The following CD38 variants were observed in gnomAD, a reference collection of about 807,000 sequenced individuals.
The protein encoded by CD38 is ADP-ribosyl cyclase/cyclic ADP-ribose hydrolase 1.
A neutral mutation model predicts 36.3 loss-of-function variants in CD38; 31 were observed. The ratio of observed to expected loss-of-function variants is 0.85; its 90% confidence interval spans 0.64 to 1.15. The LOEUF (loss-of-function observed/expected upper bound fraction) is 1.15, where lower values mean the gene tolerates loss of function less well. Ranked by LOEUF, CD38 falls within the 50% of genes most tolerant of loss-of-function variation. The probability of loss-of-function intolerance (pLI) is 0.00; values close to 1 mark genes in which losing one functional copy is unlikely to be tolerated. For missense variants in CD38, 380 were observed against 371.9 expected (o/e 1.02, Z -0.18); for synonymous variants, 131 against 135.2 (o/e 0.97, Z 0.22).
At chr4:15,785,024 C>T (rs1197867055) in intron 1 of CD38, among the ~76,000 whole-genome samples, 3 of 151,108 alleles carry the variant, frequency 2.0e-5, no homozygotes, top group African/African-American at 7.3e-5. Flanking sequence ...CCACTACACT[C>T]CAGCCTGGGT....
chr4:15,819,247 G>A (rs1723680977), intron 2 of CD38, among the ~76,000 whole-genome samples: 1 of 152,080 alleles, frequency 6.6e-6, no homozygotes, highest in Non-Finnish European at 1.5e-5. Flanking sequence ...ACGGGTTGAT[G>A]GGTGCAGCAA....
At position 15,851,518 on chromosome 4, in the gene CD38, A is replaced by G. The variant is rs1387505489; in HGVS notation, c.*2916A>G. On this transcript the variant is annotated 3_prime_UTR_variant, in exon 8 of 8. Transcript: ENST00000226279. ...CTAATGCCCCTTTTCTAAATTCCTA[A>G]GGCTCACCATTTTCCTATTGTAATG... is the stretch of plus-strand genomic sequence containing the variant. The G allele has an allele frequency of 6.6e-6, 1 of 152,170 alleles. No individual in the cohort carries two copies. Among genetic ancestry groups the G allele is most frequent in the Non-Finnish European group, 1.5e-5 (1 of 68,048 alleles). 9.4% of individuals were successfully genotyped at this position (152,170 alleles called of 1,614,324 possible).
intron 1 of CD38, among the ~76,000 whole-genome samples, chr4:15,780,563 C>CACAT (rs1722675907): frequency 6.7e-6 from 1 of 149,548 alleles, no homozygotes; most frequent in African/African-American, 2.5e-5. Context: ...CACACACACA[C>CACAT]ACACATACAG....
intron 1 of CD38, among the ~76,000 whole-genome samples, chr4:15,810,833 T>C (rs947365890): frequency 9.2e-5 from 14 of 152,330 alleles, no homozygotes; most frequent in Admixed American, 7.8e-4. Flanking sequence ...AAAACATGAT[T>C]GTTGGATGCC....
rs757866212 is a variant in CD38, at chr4:15,824,961, G to A, written c.444G>A (p.Thr148=). ...GGGACATGTTCACCCTGGAGGACAC[G>A]CTGCTAGGCTACCTTGCTGATGACC... ...VQRDMFTLED[T]LLGYLADDLT... The change falls in exon 3 of 8, where the codon ACG becomes ACA. Residue 148 remains threonine, a synonymous_variant. Transcript: ENST00000226279. 9 of 1,613,892 alleles carry A rather than the reference G, an allele frequency of 5.6e-6. No homozygotes were observed. Among genetic ancestry groups the A allele is most frequent in the Middle Eastern group, 1.7e-4 (1 of 6,056 alleles).
At chr4:15,816,063 T>G (rs1370611681) in intron 1 of CD38, among the ~76,000 whole-genome samples, 1 of 152,156 alleles carries the variant, frequency 6.6e-6, no homozygotes, top group Non-Finnish European at 1.5e-5. Context: ...TGATGGATTA[T>G]GTTTATTGAT....
At chr4:15,805,077 G>A (rs1046892313) in intron 1 of CD38, among the ~76,000 whole-genome samples, 2 of 151,928 alleles carry the variant, frequency 1.3e-5, no homozygotes, top group African/African-American at 2.4e-5. Context: ...AGAAAAATTA[G>A]TTTTTTTGAT....
At chr4:15,824,379 A>T (rs1723801637) in intron 2 of CD38, among the ~76,000 whole-genome samples, 1 of 151,860 alleles carries the variant, frequency 6.6e-6, no homozygotes, top group Admixed American at 6.6e-5. Flanking sequence ...CTGAACTTTG[A>T]CTCCCTGTAC....
chr4:15,816,225 C>A (rs1723591014), intron 1 of CD38, among the ~76,000 whole-genome samples: 1 of 151,990 alleles, frequency 6.6e-6, no homozygotes, highest in African/African-American at 2.4e-5. Flanking sequence ...CTGAAATTTT[C>A]TTTTTTTATT....
chr4:15,790,919 G>T (rs1380800168), intron 1 of CD38, among the ~76,000 whole-genome samples: 3 of 150,660 alleles, frequency 2.0e-5, no homozygotes, highest in Non-Finnish European at 4.4e-5. Context: ...CGTCTGAGAG[G>T]TGAGGAGACC....
At chr4:15,780,526 A>ACACG (rs201964723) in intron 1 of CD38, among the ~76,000 whole-genome samples, 5,201 of 139,324 alleles carry the variant, frequency 0.037, 207 homozygotes, top group East Asian at 0.15. Flanking sequence ...TCTCACACAC[A>ACACG]CACACACACA....
intron 3 of CD38, among the ~76,000 whole-genome samples, chr4:15,830,396 A>G (rs1723935616): frequency 6.6e-6 from 1 of 152,220 alleles, no homozygotes; most frequent in Non-Finnish European, 1.5e-5. Context: ...TCTTCTTTTG[A>G]GAAATATGTA....
At chr4:15,847,649 C>G (rs998702317) in intron 7 of CD38, among the ~76,000 whole-genome samples, 4 of 118,628 alleles carry the variant, frequency 3.4e-5, no homozygotes, top group African/African-American at 1.3e-4. Context: ...TCTGACGAGT[C>G]TAAGCTGTTC....
At chr4:15,819,320 C>T (rs986246352) in intron 2 of CD38, among the ~76,000 whole-genome samples, 9 of 149,850 alleles carry the variant, frequency 6.0e-5, no homozygotes, top group Non-Finnish European at 8.9e-5. Context: ...TAACCCAGAA[C>T]TTAAAGTATA....
intron 1 of CD38, among the ~76,000 whole-genome samples, chr4:15,791,047 G>T (rs1213396752): frequency 2.9e-5 from 4 of 135,998 alleles, no homozygotes; most frequent in Admixed American, 6.9e-5. Context: ...AGGGAGGTGG[G>T]GGGGGGTCAG....
chr4:15,834,952 TGTG>T (rs1313524746), intron 4 of CD38, among the ~76,000 whole-genome samples: 1 of 152,178 alleles, frequency 6.6e-6, no homozygotes, highest in Admixed American at 6.5e-5. Flanking sequence ...TATATAGTGA[TGTG>T]GTGATACATA....
intron 1 of CD38, among the ~76,000 whole-genome samples, chr4:15,785,765 T>G (rs775913189): frequency 6.6e-6 from 1 of 152,196 alleles, no homozygotes; most frequent in African/African-American, 2.4e-5. Flanking sequence ...CAATCACATC[T>G]TAGTGGGTCC....
intron 1 of CD38, among the ~76,000 whole-genome samples, chr4:15,812,677 G>T (rs531498073): frequency 6.6e-6 from 1 of 152,300 alleles, no homozygotes; most frequent in South Asian, 2.1e-4. Flanking sequence ...TCTAGCCTGG[G>T]CAACAGGGCG....
intron 1 of CD38, among the ~76,000 whole-genome samples, chr4:15,787,686 C>T (rs903292428): frequency 4.6e-5 from 7 of 152,158 alleles, no homozygotes; most frequent in African/African-American, 1.2e-4. Flanking sequence ...GTTTAATTGC[C>T]GGGTCTGCCC....
Sources: gnomAD v4.1 joint callset for allele counts (sites outside exome capture counted in the v4.1 genomes callset) on GRCh38, gnomAD v4.1.1 for gene constraint, MANE v1.5 for transcripts, NCBI Gene and HGNC (gene_info 2026-07-23, HGNC 2026-07-21) for gene names.